Variants in TMEM163 observed in about 807,000 individuals in gnomAD.
TMEM163 encodes transmembrane protein 163.
In TMEM163, 17 loss-of-function variants were observed where a neutral mutation model predicts 29.3. That is an observed-to-expected ratio of 0.58 (90% confidence interval 0.40 to 0.87). The LOEUF (loss-of-function observed/expected upper bound fraction) is 0.87. Ranked by LOEUF, TMEM163 falls within the 40% of genes least tolerant of loss-of-function variation. The pLI, the probability that TMEM163 is intolerant of heterozygous loss-of-function variation, is 0.00. For synonymous variants in TMEM163, 157 were observed against 160.6 expected, an observed-to-expected ratio of 0.98 and a Z score of 0.17; for missense variants, 303 against 381.5, an observed-to-expected ratio of 0.79 and a Z score of 1.71.
At chr2:134,542,941 T>G (rs527553472) in intron 4 of TMEM163, among the ~76,000 whole-genome samples, 38 of 152,302 alleles carry the variant, frequency 2.5e-4, no homozygotes, top group Non-Finnish European at 4.3e-4. Flanking sequence ...TCTGATTGTG[T>G]CTCTGCTTTC....
rs1325800318 is a variant in TMEM163, at chr2:134,460,192, A to G, written c.668-2019T>C. On this transcript the variant is annotated intron_variant, in intron 6 of 7. Transcript: ENST00000281924. The surrounding 1 kb of genome is among the most constrained non-coding windows in gnomAD (Gnocchi z 4.3). ...GACCCTCTGTCGGTGAGCAGCAGCC[A>G]GACTCTCCCGCAGGAAAGCCCCCGT... Among the ~76,000 whole-genome samples, 1 of 149,782 alleles carries G rather than the reference A, an allele frequency of 6.7e-6. No individual in the cohort carries two copies. Among genetic ancestry groups the G allele is most frequent in the Non-Finnish European group, 1.5e-5 (1 of 67,750 alleles).
chr2:134,704,013 C>T (rs189897949), intron 2 of TMEM163, among the ~76,000 whole-genome samples: 6 of 152,180 alleles, frequency 3.9e-5, no homozygotes, highest in East Asian at 3.9e-4. Context: ...GGTCTAATCA[C>T]GCTATCTGTA....
chr2:134,470,782 T>G (rs1236626012), intron 5 of TMEM163, among the ~76,000 whole-genome samples: 2 of 152,200 alleles, frequency 1.3e-5, no homozygotes, highest in Non-Finnish European at 2.9e-5. Flanking sequence ...CAGATGGCTC[T>G]CCTGCGGTGC....
chr2:134,684,773 A>G (rs896477377), intron 2 of TMEM163, among the ~76,000 whole-genome samples: 25 of 151,844 alleles, frequency 1.6e-4, no homozygotes, highest in African/African-American at 5.6e-4. Flanking sequence ...AAAATACAAA[A>G]ATTTGCCAGT....
At chr2:134,508,462 T>C (rs1401537524) in intron 4 of TMEM163, among the ~76,000 whole-genome samples, 1 of 151,924 alleles carries the variant, frequency 6.6e-6, no homozygotes, top group Non-Finnish European at 1.5e-5. Context: ...CAATTCCTAA[T>C]GCTGGTTTTC....
intron 5 of TMEM163, among the ~76,000 whole-genome samples, chr2:134,475,208 C>T (rs964660034): frequency 1.3e-5 from 2 of 152,090 alleles, no homozygotes; most frequent in African/African-American, 4.8e-5. Context: ...TAGAAATCAT[C>T]CCACTCTCAG....
intron 2 of TMEM163, among the ~76,000 whole-genome samples, chr2:134,574,184 T>C (rs777970229): frequency 6.6e-6 from 1 of 152,194 alleles, no homozygotes; most frequent in African/African-American, 2.4e-5. Context: ...GTGCATACTA[T>C]AAAAATAAGA....
At chr2:134,547,897 G>T (rs755683059) in intron 4 of TMEM163, among the ~76,000 whole-genome samples, 1 of 152,136 alleles carries the variant, frequency 6.6e-6, no homozygotes, top group Non-Finnish European at 1.5e-5. Context: ...TTTTGATCTT[G>T]GAAAACCTCC....
At chr2:134,613,307 C>A (rs1682544959) in intron 2 of TMEM163, among the ~76,000 whole-genome samples, 3 of 152,076 alleles carry the variant, frequency 2.0e-5, no homozygotes, top group Non-Finnish European at 4.4e-5. Flanking sequence ...AATAGGAGTT[C>A]CAGCAAAAGA....
At chr2:134,635,789 A>T (rs1204289406) in intron 2 of TMEM163, among the ~76,000 whole-genome samples, 1 of 152,126 alleles carries the variant, frequency 6.6e-6, no homozygotes, top group Non-Finnish European at 1.5e-5. Flanking sequence ...GCCAGCCTTG[A>T]AGCAGGGGCA....
At chr2:134,503,560 A>C (rs1237431775) in intron 4 of TMEM163, among the ~76,000 whole-genome samples, 1 of 152,256 alleles carries the variant, frequency 6.6e-6, no homozygotes, top group South Asian at 2.1e-4. Flanking sequence ...CTACTCTGTC[A>C]CTTTTGGATA....
At chr2:134,617,240 T>C (rs1682626323) in intron 2 of TMEM163, among the ~76,000 whole-genome samples, 1 of 152,182 alleles carries the variant, frequency 6.6e-6, no homozygotes, top group South Asian at 2.1e-4. Context: ...TAATGCAAAG[T>C]AGATTATGAT....
intron 2 of TMEM163, among the ~76,000 whole-genome samples, chr2:134,564,075 G>C (rs972095471): frequency 6.6e-6 from 1 of 151,918 alleles, no homozygotes; most frequent in African/African-American, 2.4e-5. Context: ...TGGCAGGGTG[G>C]GCAGGGAGAA....
intron 7 of TMEM163, among the ~76,000 whole-genome samples, 154 bp from the exon 8 acceptor site, chr2:134,456,930 G>C (rs1197706693): frequency 6.6e-6 from 1 of 151,544 alleles, no homozygotes; most frequent in Non-Finnish European, 1.5e-5. Flanking sequence ...ATCCATTTGT[G>C]TTATCTCAGA....
At chr2:134,542,654 A>C (rs1680701538) in intron 4 of TMEM163, among the ~76,000 whole-genome samples, 1 of 151,676 alleles carries the variant, frequency 6.6e-6, no homozygotes, top group Non-Finnish European at 1.5e-5. Context: ...CCCCCACCCA[A>C]CCCCAGTCCG....
intron 2 of TMEM163, among the ~76,000 whole-genome samples, chr2:134,566,525 C>T (rs1406203392): frequency 3.3e-5 from 5 of 151,910 alleles, no homozygotes; most frequent in Non-Finnish European, 7.4e-5. Flanking sequence ...ATCATGCCAC[C>T]GCACTCCAGC....
rs76547679 is a variant in TMEM163, at chr2:134,497,850, G to A, written c.555+5051C>T. ...ACAGCTACAGCTGACTGAAGCCCAA[G>A]AGAGAGCAATACAAGCTCCATCCAG... On this transcript the variant is annotated intron_variant, in intron 5 of 7. Coordinates refer to ENST00000281924, the MANE Select transcript of TMEM163 (RefSeq NM_030923.5). Among the ~76,000 whole-genome samples the A allele has an allele frequency of 3.1e-3, 475 of 152,262 alleles. 3 individuals carry two copies. Among genetic ancestry groups the A allele is most frequent in the African/African-American group, 0.011 (446 of 41,552 alleles).
chr2:134,666,792 T>A (rs1683881083), intron 2 of TMEM163, among the ~76,000 whole-genome samples: 1 of 152,230 alleles, frequency 6.6e-6, no homozygotes, highest in Non-Finnish European at 1.5e-5. Flanking sequence ...CACATATGGA[T>A]TTTATGTGGA....
At chr2:134,630,860 A>G (rs571727518) in intron 2 of TMEM163, among the ~76,000 whole-genome samples, 1 of 152,334 alleles carries the variant, frequency 6.6e-6, no homozygotes, top group South Asian at 2.1e-4. Flanking sequence ...TGTGAGGGAC[A>G]GAGGGGGAGT....
Sources: allele counts gnomAD v4.1 joint callset (sites outside exome capture counted in the v4.1 genomes callset), GRCh38; gene constraint gnomAD v4.1.1; non-coding constraint Gnocchi (gnomAD v3.1); transcripts MANE v1.5; gene names NCBI Gene and HGNC (gene_info 2026-07-23, HGNC 2026-07-21).